Variants in CDC14B observed in about 807,000 individuals in gnomAD.
CDC14B encodes cell division cycle 14B.
CDC14B carries 22 observed loss-of-function variants against 64.2 expected under a neutral mutation model. The observed-to-expected ratio is 0.34, with a 90% CI of 0.24 to 0.49. The LOEUF (loss-of-function observed/expected upper bound fraction) is 0.49. Among genes scored for constraint, CDC14B ranks in the 20% least tolerant of loss-of-function variants. CDC14B has a pLI of 0.99. For missense variants in CDC14B, 498 were observed against 629.9 expected (o/e 0.79, Z 2.24); for synonymous variants, 191 against 215.8 (o/e 0.89, Z 1.01).
chr9:96,609,230 G>A (rs947415453), intron 1 of CDC14B, among the ~76,000 whole-genome samples: 8 of 152,138 alleles, frequency 5.3e-5, no homozygotes, highest in African/African-American at 1.9e-4. Flanking sequence ...TCCCCAAAGT[G>A]CTGGGATTAC....
At chr9:96,565,624 T>C in intron 1 of CDC14B, 141 bp from the exon 2 acceptor site, 1 of 688,354 alleles carries the variant, frequency 1.5e-6, no homozygotes, top group Non-Finnish European at 2.6e-6. Context: ...AATGGGTAAT[T>C]ACAAAATATT....
At position 96,502,909 on chromosome 9, in the gene CDC14B, A is replaced by C. The variant is rs1833685256; in HGVS notation, c.*844T>G. 4 of 398,344 alleles carry C rather than the reference A, an allele frequency of 1.0e-5. No homozygotes were observed. Among genetic ancestry groups the C allele is most frequent in the Non-Finnish European group, 1.8e-5 (4 of 226,022 alleles). The allele number at this position is 398,344 out of a possible 1,614,324, so 24.7% of individuals were successfully genotyped here. A position where few individuals can be genotyped will look rare whatever the true frequency, so the allele number is the denominator to read the frequency against. On this transcript the variant is annotated 3_prime_UTR_variant, in exon 14 of 14. Coordinates refer to ENST00000375241, the MANE Select transcript of CDC14B (RefSeq NM_033331.4). ...GGGATTGCTGTTTCCAAGGGGAAAAACCAATAGTGTGTTTCTTCCATTCAT... is the reference window on the plus strand; with the variant it reads ...GGGATTGCTGTTTCCAAGGGGAAAACCCAATAGTGTGTTTCTTCCATTCAT...
chr9:96,559,432 A>T (rs1462324944), intron 4 of CDC14B, among the ~76,000 whole-genome samples: 1 of 152,198 alleles, frequency 6.6e-6, no homozygotes, highest in African/African-American at 2.4e-5. Flanking sequence ...CGACTCCAGA[A>T]AACGTTATCA....
At chr9:96,590,361 A>G (rs1845709124) in intron 1 of CDC14B, among the ~76,000 whole-genome samples, 7 of 152,224 alleles carry the variant, frequency 4.6e-5, no homozygotes, top group Admixed American at 4.6e-4. Flanking sequence ...ACTGTTAGAT[A>G]CATACCAGAT....
At chr9:96,511,246 ATTTAGTAAAATG>A (rs1834866163) in intron 12 of CDC14B, among the ~76,000 whole-genome samples, 2 of 152,180 alleles carry the variant, frequency 1.3e-5, no homozygotes, top group Admixed American at 1.3e-4. Flanking sequence ...CATATCCAAC[ATTTAGTAAAATG>A]CTAAACATCT....
intron 4 of CDC14B, among the ~76,000 whole-genome samples, chr9:96,553,310 C>T (rs535598577): frequency 1.3e-5 from 2 of 151,808 alleles, no homozygotes; most frequent in African/African-American, 2.4e-5. Flanking sequence ...GACTCATAAA[C>T]GGAAAATTTT....
intron 1 of CDC14B, among the ~76,000 whole-genome samples, chr9:96,586,059 G>C (rs1845440899): frequency 6.6e-6 from 1 of 152,234 alleles, no homozygotes; most frequent in East Asian, 1.9e-4. Context: ...TGGGGTAGTG[G>C]GATGACAGGA....
At chr9:96,590,488 A>G (rs983895826) in intron 1 of CDC14B, among the ~76,000 whole-genome samples, 1 of 152,154 alleles carries the variant, frequency 6.6e-6, no homozygotes, top group African/African-American at 2.4e-5. Context: ...CCTGTTTTCA[A>G]TTCTTTTGGT....
chr9:96,564,697 TAA>T lies in CDC14B; in HGVS notation c.327+78_327+79del. On this transcript the variant is annotated intron_variant, in intron 3 of 13. Transcript: ENST00000375241. ...AGTGAAAAACATGTCATTTCCTTTT[TAA>T]AAAGAGATGTTTTCCTTACTTTCGT... 4 of 806,922 alleles carry T rather than the reference TAA, an allele frequency of 5.0e-6. No homozygotes were observed. In the South Asian group the frequency reaches 5.3e-5, roughly 11 times the overall value. The allele number at this position is 806,922 out of a possible 1,614,324, so 50.0% of individuals were successfully genotyped here.
chr9:96,584,637 A>G (rs1258212430), intron 1 of CDC14B, among the ~76,000 whole-genome samples: 1 of 152,158 alleles, frequency 6.6e-6, no homozygotes, highest in Non-Finnish European at 1.5e-5. Context: ...CTTGGCAATT[A>G]ATAAAACAGA....
chr9:96,606,550 T>TGTGTGC (rs1846950351), intron 1 of CDC14B, among the ~76,000 whole-genome samples: 1 of 148,264 alleles, frequency 6.7e-6, no homozygotes, highest in Non-Finnish European at 1.5e-5. Flanking sequence ...TGTGTGTGTG[T>TGTGTGC]GTGTGTGTGT....
chr9:96,571,950 T>C (rs1197585432), intron 1 of CDC14B, among the ~76,000 whole-genome samples: 1 of 151,870 alleles, frequency 6.6e-6, no homozygotes, highest in Non-Finnish European at 1.5e-5. Context: ...ACCCTTTTTG[T>C]CCAATCATAT....
chr9:96,540,599 C>A (rs1400239596), intron 6 of CDC14B, among the ~76,000 whole-genome samples: 2 of 150,168 alleles, frequency 1.3e-5, no homozygotes, highest in Non-Finnish European at 3.0e-5. Context: ...GTGCAATACC[C>A]AATTAAAAAA....
At chr9:96,564,912 T>A in intron 2 of CDC14B, 60 bp from the exon 3 acceptor site, 1 of 1,094,686 alleles carries the variant, frequency 9.1e-7, no homozygotes, top group Non-Finnish European at 1.3e-6. Context: ...TATAAATGCC[T>A]TTTTTGGGTC....
chr9:96,496,070 G>A, downstream of CDC14B: 2 of 344,996 alleles, frequency 5.8e-6, no homozygotes, highest in Non-Finnish European at 1.2e-5. Flanking sequence ...CTGCCCTGCT[G>A]CGCCTGGAAT....
chr9:96,509,835 T>C (rs530223960), intron 12 of CDC14B, 46 bp from the exon 13 acceptor site: 15 of 1,174,704 alleles, frequency 1.3e-5, no homozygotes, highest in South Asian at 6.5e-5. Context: ...CTGAAACCAT[T>C]TGCAAATACT....
chr9:96,520,362 T>C (rs560879948), intron 12 of CDC14B, among the ~76,000 whole-genome samples: 117 of 152,328 alleles, frequency 7.7e-4, no homozygotes, highest in Non-Finnish European at 1.4e-3. Context: ...TGATTTTACT[T>C]ATTTATTTAG....
At chr9:96,599,203 A>C (rs528738262) in intron 1 of CDC14B, among the ~76,000 whole-genome samples, 2 of 152,102 alleles carry the variant, frequency 1.3e-5, no homozygotes, top group Admixed American at 1.3e-4. Flanking sequence ...AACATGGCAA[A>C]ACCCCATCTC....
intron 7 of CDC14B, chr9:96,538,800 G>C (rs1197936875): frequency 3.6e-6 from 1 of 279,058 alleles, no homozygotes; most frequent in Non-Finnish European, 6.7e-6. Context: ...AACCATCAGA[G>C]GATAAGTAAA....
Sources: allele counts gnomAD v4.1 joint callset (sites outside exome capture counted in the v4.1 genomes callset), GRCh38; gene constraint gnomAD v4.1.1; transcripts MANE v1.5; gene names NCBI Gene and HGNC (gene_info 2026-07-23, HGNC 2026-07-21).